Variants in RFTN1 observed in about 807,000 individuals in gnomAD.
The protein encoded by RFTN1 is raftlin, lipid raft linker 1.
In RFTN1, 26 loss-of-function variants were observed where a neutral mutation model predicts 46.5. The ratio of observed to expected loss-of-function variants is 0.56; its 90% CI spans 0.41 to 0.78. The LOEUF (loss-of-function observed/expected upper bound fraction) is 0.78. Among genes scored for constraint, RFTN1 ranks in the 30% least tolerant of loss-of-function variants. The pLI is 0.00. For missense variants in RFTN1, 693 were observed against 718.7 expected (o/e 0.96, Z 0.41); for synonymous variants, 261 against 284.2 (o/e 0.92, Z 0.82).
At chr3:16,461,217 T>C (rs999338939) in intron 2 of RFTN1, among the ~76,000 whole-genome samples, 5 of 152,184 alleles carry the variant, frequency 3.3e-5, no homozygotes, top group African/African-American at 1.2e-4. Context: ...ATGAGTTTCT[T>C]AGGCAATTCA....
In RFTN1 at chr3:16,498,283, C is replaced by T. The variant is rs2076654948; in HGVS notation, c.-8-4406G>A. Among the ~76,000 whole-genome samples, 1 of 152,142 alleles carries T rather than the reference C, an allele frequency of 6.6e-6. No homozygotes were observed. The highest frequency in any genetic ancestry group is 1.5e-5 in the Non-Finnish European group (1 of 68,036). On this transcript the variant is annotated intron_variant, in intron 1 of 9. Transcript: ENST00000334133. The surrounding 1 kb of genome is among the most constrained non-coding windows in gnomAD (Gnocchi z 5.2). ...CTGTAACAAATAGCTGAGTCTTAGC[C>T]AATCACAGCAGCAGAATGCAGTCAA...
Position 16,447,418 on chromosome 3 carries a change from C to T in RFTN1, c.146-13381G>A, listed in dbSNP as rs2075751568. Among the ~76,000 whole-genome samples, 1 of 152,210 alleles carries T rather than the reference C, an allele frequency of 6.6e-6. No homozygotes were observed. The highest frequency in any genetic ancestry group is 2.1e-4 in the South Asian group (1 of 4,836). On this transcript the variant is annotated intron_variant, in intron 2 of 9. Transcript: ENST00000334133. This position sits in a 1 kb window ranked among gnomAD's most constrained non-coding sequence, Gnocchi z 5.9. ...AAAATCATACACACGAGTTGAGCAG[C>T]TCCGGCTCCATTAACCAATTTGCAT...
rs902070594 is a variant in RFTN1 at position 16,352,707 on chromosome 3, A to G, written c.1146+5225T>C. On this transcript the variant is annotated intron_variant, in intron 7 of 9. Transcript: ENST00000334133. The surrounding 1 kb of genome is among the most constrained non-coding windows in gnomAD (Gnocchi z 4.6). ...AAGCAGTATGTAGTGAGGGCTTACTATGTGCCCAGTCCTACATTCACAACT... is the reference window on the plus strand; with the variant it reads ...AAGCAGTATGTAGTGAGGGCTTACTGTGTGCCCAGTCCTACATTCACAACT... 5.3e-5 allele frequency among the ~76,000 whole-genome samples: 8 copies of G among 152,212 alleles called. No individual in the cohort carries two copies. Among genetic ancestry groups the G allele is most frequent in the African/African-American group, 1.9e-4 (8 of 41,464 alleles).
At chr3:16,392,845 C>T (rs2074382928) in intron 4 of RFTN1, among the ~76,000 whole-genome samples, 1 of 151,920 alleles carries the variant, frequency 6.6e-6, no homozygotes, top group Non-Finnish European at 1.5e-5. Context: ...CCAACCATGC[C>T]AGATACTGAA....
At position 16,327,558 on chromosome 3, in the gene RFTN1, GACCATCCTGGCTA is replaced by G. The variant is rs1380316368; in HGVS notation, c.1147-695_1147-683del. ...GTGGATCACATGGTCAGGAGATCAA[GACCATCCTGGCTA>G]ACACAGTGAAACCCCGTCTCTACTA... On this transcript the variant is annotated intron_variant, in intron 7 of 9. Transcript: ENST00000334133. This position sits in a 1 kb window ranked among gnomAD's most constrained non-coding sequence, Gnocchi z 4.2. Among the ~76,000 whole-genome samples, 1 of 152,066 alleles carries G rather than the reference GACCATCCTGGCTA, an allele frequency of 6.6e-6. No individual in the cohort carries two copies. The highest frequency in any genetic ancestry group is 1.5e-5 in the Non-Finnish European group (1 of 68,008).
intron 4 of RFTN1, among the ~76,000 whole-genome samples, chr3:16,405,135 T>C (rs2074821305): frequency 6.6e-6 from 1 of 152,144 alleles, no homozygotes; most frequent in Admixed American, 6.5e-5. Context: ...TACAATCCTC[T>C]GGGAGCCCTG....
chr3:16,396,437 C>T (rs1329141141), intron 4 of RFTN1, among the ~76,000 whole-genome samples: 2 of 152,176 alleles, frequency 1.3e-5, no homozygotes. Flanking sequence ...ATTCTATCTA[C>T]AATTCCACAC....
At position 16,345,264 on chromosome 3, in the gene RFTN1, T is replaced by TGTGTGTGTGTGTGTGTGTGTG. The variant is rs1553725944; in HGVS notation, c.1146+12667_1146+12668insCACACACACACACACACACAC. 1 of 145,838 alleles carries TGTGTGTGTGTGTGTGTGTGTG rather than the reference T, an allele frequency of 6.9e-6. No homozygotes were observed. Among genetic ancestry groups the TGTGTGTGTGTGTGTGTGTGTG allele is most frequent in the Admixed American group, 6.7e-5 (1 of 14,848 alleles). 9.0% of individuals were successfully genotyped at this position (145,838 alleles called of 1,614,324 possible). On this transcript the variant is annotated intron_variant, in intron 7 of 9. Transcript: ENST00000334133. The surrounding 1 kb of genome is among the most constrained non-coding windows in gnomAD (Gnocchi z 5.2). ...AAACTGTAAGATAATAAGTAGGTGG[T>TGTGTGTGTGTGTGTGTGTGTG]TGTGTGTGTGTGTGTGTGTGTGTGT...
Position 16,372,787 on chromosome 3 carries a change from C to T in RFTN1, c.827-2508G>A, listed in dbSNP as rs185653116. ...AGGTAGACGGTGCTGACAGCTTTCC[C>T]GGCTTGATCCTCCCCAGGGGGCCAG... On this transcript the variant is annotated intron_variant, in intron 5 of 9. Coordinates refer to ENST00000334133, the MANE Select transcript of RFTN1 (RefSeq NM_015150.2). 5.5e-3 allele frequency among the ~76,000 whole-genome samples: 843 copies of T among 152,306 alleles called. 4 individuals are homozygous for T. The highest frequency in any genetic ancestry group is 0.014 in the Admixed American group (214 of 15,302).
At position 16,316,201 on chromosome 3, in the gene RFTN1, A is replaced by G. The variant is rs1050604; in HGVS notation, c.*627T>C. On this transcript the variant is annotated 3_prime_UTR_variant, in exon 10 of 10. Coordinates refer to ENST00000334133, the MANE Select transcript of RFTN1 (RefSeq NM_015150.2). The surrounding 1 kb of genome is among the most constrained non-coding windows in gnomAD (Gnocchi z 4.5). ...GAATACTTCCTTGAACATTCTGCAA[A>G]AGTAGGTGCAGAGACAGAATTACTT... 9,163 of 153,674 alleles carry G rather than the reference A, an allele frequency of 0.06. 400 individuals carry two copies. The highest frequency in any genetic ancestry group is 0.12 in the African/African-American group (4,831 of 41,546). The allele number at this position is 153,674 out of a possible 1,614,324, so 9.5% of individuals were successfully genotyped here.
intron 2 of RFTN1, among the ~76,000 whole-genome samples, chr3:16,472,841 C>T (rs146000285): frequency 6.6e-6 from 1 of 152,278 alleles, no homozygotes; most frequent in Non-Finnish European, 1.5e-5. Flanking sequence ...CGACCGAAAG[C>T]TGAGGCAAGG....
intron 2 of RFTN1, among the ~76,000 whole-genome samples, chr3:16,491,818 C>T (rs1037617591): frequency 6.6e-6 from 1 of 151,994 alleles, no homozygotes; most frequent in Non-Finnish European, 1.5e-5. Context: ...AAAAAGAATT[C>T]CCCCAACATC....
At chr3:16,366,381 A>T (rs1242930190) in intron 6 of RFTN1, among the ~76,000 whole-genome samples, 1 of 152,152 alleles carries the variant, frequency 6.6e-6, no homozygotes, top group Non-Finnish European at 1.5e-5. Flanking sequence ...AGAAATAGAG[A>T]AACTGGCCTT....
In RFTN1 at chr3:16,378,185, C is replaced by T. The variant is rs187268671; in HGVS notation, c.442-83G>A. On this transcript the variant is annotated intron_variant, in intron 4 of 9. Transcript: ENST00000334133. ...ACGTGCAGCGTGCAAAGCGCCTCCCCGAGGCCTGCGAGGCTGTTTCAGGTG... is the reference window on the plus strand; with the variant it reads ...ACGTGCAGCGTGCAAAGCGCCTCCCTGAGGCCTGCGAGGCTGTTTCAGGTG... 3.7e-4 allele frequency: 422 copies of T among 1,148,114 alleles called. 2 individuals carry two copies. The East Asian group carries it at 9.1e-3, about 25-fold the overall frequency. 71.1% of individuals were successfully genotyped at this position (1,148,114 alleles called of 1,614,324 possible). A position where few individuals can be genotyped will look rare whatever the true frequency, so the allele number is the denominator to read the frequency against.
At chr3:16,438,682 C>CA (rs1333013426) in intron 2 of RFTN1, among the ~76,000 whole-genome samples, 2 of 143,882 alleles carry the variant, frequency 1.4e-5, no homozygotes, top group African/African-American at 5.0e-5. Flanking sequence ...TGTGAACACT[C>CA]AATTTCTTTG....
rs533308807 is a variant in RFTN1 at position 16,316,008 on chromosome 3, C to T, written c.*820G>A. The stretch of plus-strand genomic sequence containing the variant: ...TTCTGGACGATATACACATGATAAA[C>T]ACAGCATACATGGGTAACAACTTGA... On this transcript the variant is annotated 3_prime_UTR_variant, in exon 10 of 10. Coordinates refer to ENST00000334133, the MANE Select transcript of RFTN1 (RefSeq NM_015150.2). This position sits in a 1 kb window ranked among gnomAD's most constrained non-coding sequence, Gnocchi z 4.5. 1.3e-5 allele frequency: 2 copies of T among 152,436 alleles called. No homozygotes were observed. Among genetic ancestry groups the T allele is most frequent in the African/African-American group, 4.8e-5 (2 of 41,538 alleles). The allele number at this position is 152,436 out of a possible 1,614,324, so 9.4% of individuals were successfully genotyped here. A position where few individuals can be genotyped will look rare whatever the true frequency, so the allele number is the denominator to read the frequency against.
chr3:16,460,642 G>A lies in RFTN1; in HGVS notation c.146-26605C>T, dbSNP rs1165923800. 1.3e-5 allele frequency among the ~76,000 whole-genome samples: 2 copies of A among 151,990 alleles called. No individual in the cohort carries two copies. Among genetic ancestry groups the A allele is most frequent in the South Asian group, 2.1e-4 (1 of 4,810 alleles). On this transcript the variant is annotated intron_variant, in intron 2 of 9. Coordinates refer to ENST00000334133, the MANE Select transcript of RFTN1 (RefSeq NM_015150.2). This position sits in a 1 kb window ranked among gnomAD's most constrained non-coding sequence, Gnocchi z 4.8. ...CTTCTTCTCATTTTCTCCTTTTTTG[G>A]TGAGGGTAGAAATATCATGTAAGAG...
intron 4 of RFTN1, among the ~76,000 whole-genome samples, chr3:16,398,745 G>A (rs1454485036): frequency 6.6e-6 from 1 of 152,182 alleles, no homozygotes; most frequent in Non-Finnish European, 1.5e-5. Context: ...GCGGAATGGA[G>A]ACATCCCCTG....
rs138824916 is a variant in RFTN1, at chr3:16,317,089, T to G, written c.1476A>C (p.Gly492=). ...EDQSSKAGDM[G]NCVSGQQQEG... Reference sequence around the variant, plus strand: ...CCTGCTGCTGTCCTGAAACACAGTTTCCCATGTCTCCAGCTTTGGAAGACT... The same window carrying G: ...CCTGCTGCTGTCCTGAAACACAGTTGCCCATGTCTCCAGCTTTGGAAGACT... The change falls in exon 10 of 10, where the codon GGA becomes GGC. Residue 492 remains glycine, a synonymous_variant. Transcript: ENST00000334133. This position sits in a 1 kb window ranked among gnomAD's most constrained non-coding sequence, Gnocchi z 4.3. 1 of 1,613,972 alleles carries G rather than the reference T, an allele frequency of 6.2e-7. No homozygotes were observed. The highest frequency in any genetic ancestry group is 1.3e-5 in the African/African-American group (1 of 74,982).
Sources: gnomAD v4.1 joint callset for allele counts (sites outside exome capture counted in the v4.1 genomes callset) on GRCh38, gnomAD v4.1.1 for gene constraint, Gnocchi (gnomAD v3.1) non-coding constraint, MANE v1.5 for transcripts, NCBI Gene and HGNC (gene_info 2026-07-23, HGNC 2026-07-21) for gene names.